The following CUX1 variants were observed in gnomAD, a reference collection of about 807,000 sequenced individuals.
CUX1 encodes protein CASP.
A neutral mutation model predicts 158.8 loss-of-function variants in CUX1; 31 were observed. The ratio of observed to expected loss-of-function variants is 0.20; its 90% CI spans 0.15 to 0.26. The LOEUF is 0.26. Among genes scored for constraint, CUX1 ranks in the 10% least tolerant of loss-of-function variants. The pLI, the probability that CUX1 is intolerant of heterozygous loss-of-function variation, is 1.00. For synonymous variants in CUX1, 879 were observed against 862.1 expected, an observed-to-expected ratio of 1.02 and a Z score of -0.34; for missense variants, 1,589 against 2,014.6, an observed-to-expected ratio of 0.79 and a Z score of 4.04.
At chr7:102,206,751 T>G (rs974734755) in intron 20 of CUX1, among the ~76,000 whole-genome samples, 19 of 152,076 alleles carry the variant, frequency 1.2e-4, no homozygotes, top group Non-Finnish European at 4.4e-5. Flanking sequence ...ACAAAAAAAT[T>G]AGCTGAGTGT....
chr7:102,111,021 T>C lies in CUX1; in HGVS notation c.531-677T>C, dbSNP rs1303605937. On this transcript the variant is annotated intron_variant, in intron 6 of 23. Coordinates refer to ENST00000292535, the MANE Select transcript of CUX1 (RefSeq NM_181552.4). ...CTTTGTAAACTGTGTCATTTCTACT[T>C]TTCTGTATCCCAGTTTATTATTATG... is the stretch of plus-strand genomic sequence containing the variant. 2.0e-5 allele frequency among the ~76,000 whole-genome samples: 3 copies of C among 152,184 alleles called. No homozygotes were observed. In the East Asian group the frequency reaches 5.8e-4, roughly 29 times the overall value.
chr7:102,008,252 G>A (rs909986308), intron 2 of CUX1, among the ~76,000 whole-genome samples: 6 of 152,002 alleles, frequency 3.9e-5, no homozygotes, highest in Admixed American at 2.0e-4. Flanking sequence ...GCCTGTCCCC[G>A]CTGGCCCCCT....
chr7:102,062,197 AGGAG>A (rs1824958100), intron 3 of CUX1, among the ~76,000 whole-genome samples: 1 of 152,200 alleles, frequency 6.6e-6, no homozygotes, highest in Admixed American at 6.5e-5. Flanking sequence ...GACATCACTG[AGGAG>A]GGAAAGCACC....
intron 8 of CUX1, among the ~76,000 whole-genome samples, chr7:102,149,403 A>T (rs1036638832): frequency 4.1e-5 from 1 of 24,564 alleles, no homozygotes; most frequent in African/African-American, 1.6e-4. Context: ...GTCCCTGCCC[A>T]CCCACCCACC....
chr7:102,082,253 C>T (rs113705251), intron 4 of CUX1, among the ~76,000 whole-genome samples: 5 of 146,760 alleles, frequency 3.4e-5, no homozygotes, highest in African/African-American at 9.7e-5. Context: ...GGGCCAGGCA[C>T]GGTGGCTCAC....
intron 20 of CUX1, among the ~76,000 whole-genome samples, chr7:102,207,700 C>A (rs988388185): frequency 6.6e-6 from 1 of 152,182 alleles, no homozygotes; most frequent in African/African-American, 2.4e-5. Context: ...GATCCCCCCA[C>A]CTTGGCCTCC....
chr7:102,237,752 G>A lies in CUX1; in HGVS notation c.3623-1568G>A, dbSNP rs182378547. On this transcript the variant is annotated intron_variant, in intron 22 of 23. Transcript: ENST00000292535. Reference sequence around the variant, plus strand: ...AAAGAGATAAAAGGCAGCTGGGCCCGGGGAACCACTACCACCAAGTTGTGG... The same window carrying A: ...AAAGAGATAAAAGGCAGCTGGGCCCAGGGAACCACTACCACCAAGTTGTGG... Among the ~76,000 whole-genome samples, 432 of 152,290 alleles carry A rather than the reference G, an allele frequency of 2.8e-3. 2 individuals carry two copies. The highest frequency in any genetic ancestry group is 4.2e-3 in the Non-Finnish European group (286 of 68,026).
Position 101,817,844 on chromosome 7 carries a change from G to A in CUX1, c.30+175G>A, listed in dbSNP as rs560305703. ...AACTGCAGCTACTCCCAACTGCTAA[G>A]GTGTGCGTGAAGATAAACTTGGCTG... On this transcript the variant is annotated intron_variant, in intron 1 of 23. Transcript: ENST00000292535. The surrounding 1 kb of genome is among the most constrained non-coding windows in gnomAD (Gnocchi z 4.1). Among the ~76,000 whole-genome samples, 1 of 152,324 alleles carries A rather than the reference G, an allele frequency of 6.6e-6. No homozygotes were observed. The highest frequency in any genetic ancestry group is 2.4e-5 in the African/African-American group (1 of 41,576).
chr7:102,149,503 A>G (rs1310839624), intron 8 of CUX1, among the ~76,000 whole-genome samples: 2 of 146,798 alleles, frequency 1.4e-5, no homozygotes, highest in Non-Finnish European at 3.0e-5. Flanking sequence ...CCACTACGCC[A>G]TTGCCCACTC....
At chr7:102,017,535 G>T (rs1818770037) in intron 2 of CUX1, among the ~76,000 whole-genome samples, 1 of 152,074 alleles carries the variant, frequency 6.6e-6, no homozygotes, top group Non-Finnish European at 1.5e-5. Context: ...ATGCTCAAAT[G>T]GTTTTTGAAT....
chr7:101,860,075 C>G (rs1285589621), intron 1 of CUX1, among the ~76,000 whole-genome samples: 2 of 151,682 alleles, frequency 1.3e-5, no homozygotes, highest in Non-Finnish European at 1.5e-5. Flanking sequence ...TGTCTCTCCC[C>G]CCTTCTCCCC....
At chr7:101,866,792 C>T (rs529872594) in intron 1 of CUX1, among the ~76,000 whole-genome samples, 8 of 152,274 alleles carry the variant, frequency 5.3e-5, no homozygotes, top group Admixed American at 2.6e-4. Context: ...AGGCACAAAA[C>T]GTTGAGTTAA....
chr7:101,831,103 G>T (rs1793943594), intron 1 of CUX1, among the ~76,000 whole-genome samples: 1 of 152,154 alleles, frequency 6.6e-6, no homozygotes, highest in Admixed American at 6.5e-5. Context: ...TCCAATGGCA[G>T]CGGGTTGGGT....
At position 102,283,021 on chromosome 7, in the gene CUX1, G is replaced by A. The variant is rs781788186; in HGVS notation, c.1968G>A (p.Lys656=). 3 of 1,612,452 alleles carry A rather than the reference G, an allele frequency of 1.9e-6. No homozygotes were observed. The East Asian group carries it at 6.7e-5, about 36-fold the overall frequency. Residue 656 remains lysine, a splice_region_variant and synonymous_variant, in exon 23 of 23, where the codon AAG becomes AAA. Transcript: ENST00000292538. ...CAGCAAAGCTTCCCGTGTCCCCCAGGTTCGCTGACCACCTGCACAAGTTCC... is the reference window on the plus strand; with the variant it reads ...CAGCAAAGCTTCCCGTGTCCCCCAGATTCGCTGACCACCTGCACAAGTTCC...
chr7:102,059,383 C>CT (rs1824512299), intron 3 of CUX1, among the ~76,000 whole-genome samples: 1 of 152,106 alleles, frequency 6.6e-6, no homozygotes, highest in African/African-American at 2.4e-5. Context: ...CCTGTAATCC[C>CT]AGCACTTTGG....
At chr7:102,007,375 T>C (rs1057318766) in intron 2 of CUX1, among the ~76,000 whole-genome samples, 2 of 152,002 alleles carry the variant, frequency 1.3e-5, no homozygotes, top group Non-Finnish European at 2.9e-5. Context: ...AGCCTTTCTG[T>C]TCTCTTCCCC....
At chr7:101,933,070 T>G (rs1806474461) in intron 2 of CUX1, among the ~76,000 whole-genome samples, 1 of 152,252 alleles carries the variant, frequency 6.6e-6, no homozygotes, top group Non-Finnish European at 1.5e-5. Flanking sequence ...ATGAACTGAT[T>G]AGAACCAGAA....
intron 20 of CUX1, among the ~76,000 whole-genome samples, chr7:102,222,574 G>A (rs2132293335): frequency 6.6e-6 from 1 of 152,046 alleles, no homozygotes; most frequent in African/African-American, 2.4e-5. Context: ...ATGTGTTTTG[G>A]TTCCCTTCCA....
chr7:101,965,848 CAAAAAAAAAAAAAAA>C (rs36052208), intron 2 of CUX1, among the ~76,000 whole-genome samples: 29 of 50,158 alleles, frequency 5.8e-4, no homozygotes, highest in African/African-American at 2.2e-3. Context: ...GACTCCATCT[CAAAAAAAAAAAAAAA>C]AAAAAAAAAA....
Sources: allele counts gnomAD v4.1 joint callset (sites outside exome capture counted in the v4.1 genomes callset), GRCh38; gene constraint gnomAD v4.1.1; non-coding constraint Gnocchi (gnomAD v3.1); transcripts MANE v1.5; gene names NCBI Gene and HGNC (gene_info 2026-07-23, HGNC 2026-07-21).